Variants in CFAP44 observed in about 807,000 individuals in gnomAD.
The protein encoded by CFAP44 is cilia- and flagella-associated protein 44.
CFAP44 carries 134 observed loss-of-function variants against 216.2 expected under a neutral mutation model. The observed-to-expected ratio is 0.62, with a 90% confidence interval of 0.54 to 0.72. CFAP44 has a LOEUF of 0.72. CFAP44 is among the 30% of genes least tolerant of loss of function. The pLI, the probability that CFAP44 is intolerant of heterozygous loss-of-function variation, is 0.00. For missense variants in CFAP44, 2,035 were observed against 2,182.1 expected, an observed-to-expected ratio of 0.93 and a Z score of 1.34; for synonymous variants, 700 against 727.6, an observed-to-expected ratio of 0.96 and a Z score of 0.61.
chr3:113,361,169 G>T, intron 21 of CFAP44: 1 of 179,860 alleles, frequency 5.6e-6, no homozygotes, highest in South Asian at 1.3e-4. Flanking sequence ...TGCTATTCAT[G>T]GTGGGTGTTG....
chr3:113,335,588 A>G (rs1950275542), intron 24 of CFAP44, among the ~76,000 whole-genome samples: 1 of 152,244 alleles, frequency 6.6e-6, no homozygotes, highest in African/African-American at 2.4e-5. Context: ...AATAATTCTC[A>G]TAGTTTACAC....
At chr3:113,420,363 G>A (rs1320682803) in intron 4 of CFAP44, among the ~76,000 whole-genome samples, 184 bp from the exon 5 acceptor site, 1 of 151,800 alleles carries the variant, frequency 6.6e-6, no homozygotes, top group Non-Finnish European at 1.5e-5. Context: ...TAAATTAGGT[G>A]AGAAAAAAAA....
At chr3:113,403,063 G>A (rs546911006) in intron 9 of CFAP44, among the ~76,000 whole-genome samples, 20 of 151,708 alleles carry the variant, frequency 1.3e-4, no homozygotes, top group South Asian at 8.4e-4. Context: ...AAGCTCAATC[G>A]GTGGCAACAG....
chr3:113,295,255 T>C (rs377617720), intron 33 of CFAP44, among the ~76,000 whole-genome samples: 1 of 152,240 alleles, frequency 6.6e-6, no homozygotes, highest in South Asian at 2.1e-4. Context: ...TTTTGTTTTC[T>C]TATTGCTCCA....
chr3:113,308,643 T>C (rs761532720), intron 28 of CFAP44, among the ~76,000 whole-genome samples: 11 of 152,198 alleles, frequency 7.2e-5, no homozygotes, highest in Non-Finnish European at 1.5e-4. Flanking sequence ...CAGGCTGTAG[T>C]GCAGTGATGC....
intron 29 of CFAP44, among the ~76,000 whole-genome samples, chr3:113,307,730 G>T (rs142148775): frequency 0.029 from 4,382 of 152,300 alleles, 111 homozygotes; most frequent in East Asian, 0.1. Flanking sequence ...AGCACTTTGG[G>T]AGGCTGAGGC....
At chr3:113,326,763 G>C in intron 27 of CFAP44, 123 bp from the exon 28 acceptor site, 1 of 534,100 alleles carries the variant, frequency 1.9e-6, no homozygotes, top group East Asian at 3.4e-5. Context: ...CTTAAAAGAA[G>C]GTTACATTTC....
At chr3:113,304,248 C>T (rs1233163178) in intron 31 of CFAP44, 131 bp from the exon 32 acceptor site, 1 of 864,012 alleles carries the variant, frequency 1.2e-6, no homozygotes, top group African/African-American at 1.7e-5. Context: ...CTACGTCTTC[C>T]TTACTGAGTA....
intron 15 of CFAP44, 79 bp from the exon 16 acceptor site, chr3:113,381,139 A>G (rs1024802485): frequency 9.6e-7 from 1 of 1,042,746 alleles, no homozygotes; most frequent in Non-Finnish European, 1.3e-6. Context: ...AAATAAAAAT[A>G]TAATTACTAT....
chr3:113,290,447 A>G lies in CFAP44; in HGVS notation c.*1110T>C, dbSNP rs891314016. On this transcript the variant is annotated 3_prime_UTR_variant, in exon 35 of 35. Transcript: ENST00000393845. ...CATTGCTGAGTTCCCTTCTACATTT[A>G]TGCAATGTTCCTTTCTTCACCCGCC... 6.6e-6 allele frequency: 1 copy of G among 152,228 alleles called. No individual in the cohort carries two copies. The highest frequency in any genetic ancestry group is 1.5e-5 in the Non-Finnish European group (1 of 68,044). The allele number at this position is 152,228 out of a possible 1,614,324, so 9.4% of individuals were successfully genotyped here.
At chr3:113,327,841 C>T (rs759144544) in intron 26 of CFAP44, 22 bp from the exon 27 acceptor site, 23 of 1,532,946 alleles carry the variant, frequency 1.5e-5, no homozygotes, top group East Asian at 7.3e-5. Context: ...AAAATATTTG[C>T]GGATACGTTA....
intron 1 of CFAP44, among the ~76,000 whole-genome samples, chr3:113,435,900 CTTTT>C (rs1263854811): frequency 1.1e-4 from 17 of 148,602 alleles, no homozygotes; most frequent in African/African-American, 4.0e-4. Flanking sequence ...CCTTTCCTTT[CTTTT>C]TTAGTTGTGA....
intron 24 of CFAP44, among the ~76,000 whole-genome samples, chr3:113,338,070 C>T (rs1576554953): frequency 6.6e-6 from 1 of 151,670 alleles, no homozygotes; most frequent in East Asian, 1.9e-4. Flanking sequence ...CCAAACCAGC[C>T]TGGCCAACAT....
At chr3:113,372,115 T>C (rs1386274489) in intron 18 of CFAP44, among the ~76,000 whole-genome samples, 3 of 152,236 alleles carry the variant, frequency 2.0e-5, no homozygotes, top group African/African-American at 4.8e-5. Context: ...ATAGGAATGC[T>C]TTTACACTGC....
intron 11 of CFAP44, among the ~76,000 whole-genome samples, chr3:113,400,923 G>C (rs907384855): frequency 1.3e-5 from 2 of 151,938 alleles, no homozygotes; most frequent in Non-Finnish European, 2.9e-5. Context: ...ACAGCTGCTT[G>C]TCTACTAAAT....
chr3:113,433,709 T>A, intron 1 of CFAP44, 40 bp from the exon 2 acceptor site: 2 of 1,459,450 alleles, frequency 1.4e-6, no homozygotes, highest in Non-Finnish European at 1.9e-6. Flanking sequence ...GATAAAGCTG[T>A]AAAATTGAAA....
At chr3:113,333,841 G>C (rs1950260083) in intron 24 of CFAP44, among the ~76,000 whole-genome samples, 1 of 152,010 alleles carries the variant, frequency 6.6e-6, no homozygotes, top group Non-Finnish European at 1.5e-5. Context: ...TGAATTACTG[G>C]TAGGCTTTGG....
At chr3:113,413,922 T>C (rs1208348611) in intron 6 of CFAP44, among the ~76,000 whole-genome samples, 1 of 152,228 alleles carries the variant, frequency 6.6e-6, no homozygotes, top group East Asian at 1.9e-4. Flanking sequence ...TTGATGGGAA[T>C]AGCATTGAAT....
chr3:113,347,770 A>T (rs1329965826), intron 22 of CFAP44, among the ~76,000 whole-genome samples: 2 of 152,146 alleles, frequency 1.3e-5, no homozygotes, highest in Admixed American at 1.3e-4. Context: ...AACCCCAGAG[A>T]TCCCTTCCCT....
Sources: gnomAD v4.1 joint callset for allele counts (sites outside exome capture counted in the v4.1 genomes callset) on GRCh38, gnomAD v4.1.1 for gene constraint, MANE v1.5 for transcripts, NCBI Gene and HGNC (gene_info 2026-07-23, HGNC 2026-07-21) for gene names.